SLC35F3: variants seen among roughly 807,000 people sequenced by gnomAD.
The protein encoded by SLC35F3 is putative thiamine transporter SLC35F3.
In SLC35F3, 25 loss-of-function variants were observed where a neutral mutation model predicts 49.9. The ratio of observed to expected loss-of-function variants is 0.50; its 90% CI spans 0.37 to 0.70. SLC35F3 has a LOEUF of 0.70. SLC35F3 is among the 30% of genes least tolerant of loss of function. The pLI, the probability that SLC35F3 is intolerant of heterozygous loss-of-function variation, is 0.00. For missense variants in SLC35F3, 525 were observed against 639.8 expected (o/e 0.82, Z 1.94); for synonymous variants, 275 against 265.4 (o/e 1.04, Z -0.35).
intron 2 of SLC35F3, among the ~76,000 whole-genome samples, chr1:233,941,962 G>GTTTTTTTT (rs547024039): frequency 5.6e-4 from 66 of 118,792 alleles, no homozygotes; most frequent in Non-Finnish European, 7.3e-4. Flanking sequence ...TTGTTTTTTT[G>GTTTTTTTT]TTTTTTTTTT....
At chr1:234,172,161 T>A (rs1436781731) in intron 2 of SLC35F3, among the ~76,000 whole-genome samples, 1 of 152,200 alleles carries the variant, frequency 6.6e-6, no homozygotes, top group Non-Finnish European at 1.5e-5. Flanking sequence ...TTCTAGCTAG[T>A]CCCTAAGCTG....
chr1:233,980,118 CCACA>C (rs1427579640), intron 2 of SLC35F3, among the ~76,000 whole-genome samples: 1 of 152,192 alleles, frequency 6.6e-6, no homozygotes, highest in African/African-American at 2.4e-5. Context: ...TTAATCTTTA[CCACA>C]CACACAGCCT....
At chr1:234,117,968 A>G (rs1240717108) in intron 2 of SLC35F3, among the ~76,000 whole-genome samples, 2 of 133,940 alleles carry the variant, frequency 1.5e-5, no homozygotes, top group Non-Finnish European at 3.2e-5. Context: ...GTGTGTGTAT[A>G]TATATATAAA....
At chr1:234,139,446 C>G (rs1665857274) in intron 2 of SLC35F3, among the ~76,000 whole-genome samples, 1 of 152,100 alleles carries the variant, frequency 6.6e-6, no homozygotes, top group East Asian at 1.9e-4. Flanking sequence ...TTTAAAAATC[C>G]TCTAAGTAAA....
intron 2 of SLC35F3, among the ~76,000 whole-genome samples, chr1:234,217,486 G>A (rs1327280578): frequency 1.3e-5 from 2 of 152,232 alleles, no homozygotes; most frequent in Non-Finnish European, 2.9e-5. Flanking sequence ...GAACTGAAAA[G>A]CAAGGTGTCA....
At chr1:234,112,435 T>C (rs1161557709) in intron 2 of SLC35F3, among the ~76,000 whole-genome samples, 1 of 152,162 alleles carries the variant, frequency 6.6e-6, no homozygotes, top group Non-Finnish European at 1.5e-5. Context: ...TTTTCTCTCA[T>C]GTGACTCATA....
chr1:234,275,766 ATATAT>A (rs1558094966), intron 3 of SLC35F3, among the ~76,000 whole-genome samples: 5 of 99,486 alleles, frequency 5.0e-5, no homozygotes, highest in African/African-American at 1.2e-4. Context: ...AAAAAAAAAT[ATATAT>A]ATATATATAT....
At chr1:234,204,587 G>C (rs924120332) in intron 2 of SLC35F3, among the ~76,000 whole-genome samples, 2 of 152,212 alleles carry the variant, frequency 1.3e-5, no homozygotes, top group African/African-American at 4.8e-5. Context: ...TTAGAAGGTA[G>C]TTTAGGAAGC....
chr1:234,202,372 A>C (rs983937531), intron 2 of SLC35F3, among the ~76,000 whole-genome samples: 5 of 152,226 alleles, frequency 3.3e-5, no homozygotes, highest in Non-Finnish European at 7.3e-5. Flanking sequence ...ACAAGGGGGA[A>C]GTCTTGAATT....
intron 3 of SLC35F3, among the ~76,000 whole-genome samples, chr1:234,306,109 A>G (rs1657167544): frequency 6.6e-6 from 1 of 152,124 alleles, no homozygotes; most frequent in South Asian, 2.1e-4. Context: ...TTCCCTTGCA[A>G]TCAAGGACGT....
intron 2 of SLC35F3, among the ~76,000 whole-genome samples, chr1:234,026,522 A>C (rs1663981052): frequency 6.6e-6 from 1 of 152,248 alleles, no homozygotes; most frequent in Admixed American, 6.5e-5. Flanking sequence ...AAAACAATTT[A>C]GTTCTGAAGG....
At chr1:234,222,722 G>A (rs1667226698) in intron 2 of SLC35F3, among the ~76,000 whole-genome samples, 1 of 152,212 alleles carries the variant, frequency 6.6e-6, no homozygotes, top group South Asian at 2.1e-4. Context: ...TAAAACTGTG[G>A]TTCATCCTTT....
At chr1:234,195,354 A>C (rs1381452717) in intron 2 of SLC35F3, among the ~76,000 whole-genome samples, 1 of 151,962 alleles carries the variant, frequency 6.6e-6, no homozygotes, top group Non-Finnish European at 1.5e-5. Context: ...CCACAGTCCA[A>C]TTTCTTGATT....
chr1:234,148,218 G>T (rs1321297384), intron 2 of SLC35F3, among the ~76,000 whole-genome samples: 1 of 152,170 alleles, frequency 6.6e-6, no homozygotes, highest in Non-Finnish European at 1.5e-5. Flanking sequence ...GCAAGAGCAG[G>T]GAGAGCTTTC....
intron 3 of SLC35F3, among the ~76,000 whole-genome samples, chr1:234,290,983 T>C (rs1428904611): frequency 1.3e-5 from 2 of 152,130 alleles, no homozygotes; most frequent in Non-Finnish European, 2.9e-5. Flanking sequence ...AGGCCACCAA[T>C]AGATATGACC....
In SLC35F3 at chr1:234,272,852, TCCCAGCCAGTGTGGACAGCAGGCTCGCTG is replaced by T. The variant is rs553145253; in HGVS notation, c.609-36245_609-36217del. Among the ~76,000 whole-genome samples, 807 of 152,278 alleles carry T rather than the reference TCCCAGCCAGTGTGGACAGCAGGCTCGCTG, an allele frequency of 5.3e-3. 7 individuals carry two copies. Among genetic ancestry groups the T allele is most frequent in the Middle Eastern group, 0.041 (12 of 294 alleles). On this transcript the variant is annotated intron_variant, in intron 3 of 7. Transcript: ENST00000366618. The stretch of plus-strand genomic sequence containing the variant: ...TGTTCTCTTGCCTGGCTGCTGCTTC[TCCCAGCCAGTGTGGACAGCAGGCTCGCTG>T]CCCCTGATGTGCCATGGGGTCAGCA...
rs1454724562 is a variant in SLC35F3 at position 234,118,016 on chromosome 1, A to T, written c.284-113401A>T. ...TGTGAGATACACAGAAAGAGCTCAT[A>T]ACCTTTAAGGCCAGAGTTAATTTCA... On this transcript the variant is annotated intron_variant, in intron 2 of 7. Coordinates refer to ENST00000366618, the MANE Select transcript of SLC35F3 (RefSeq NM_173508.4). 8.6e-5 allele frequency among the ~76,000 whole-genome samples: 13 copies of T among 151,102 alleles called. No individual in the cohort carries two copies. The Admixed American group carries it at 8.7e-4, about 10-fold the overall frequency.
At chr1:233,946,999 C>A (rs1662522823) in intron 2 of SLC35F3, among the ~76,000 whole-genome samples, 1 of 152,098 alleles carries the variant, frequency 6.6e-6, no homozygotes, top group Admixed American at 6.5e-5. Context: ...GATAGATAAG[C>A]AAGTAAAATA....
At chr1:234,233,228 G>A (rs1320328161) in intron 3 of SLC35F3, among the ~76,000 whole-genome samples, 1 of 152,184 alleles carries the variant, frequency 6.6e-6, no homozygotes, top group Non-Finnish European at 1.5e-5. Flanking sequence ...TTTAGTAAAT[G>A]ATGTATTTAA....
Sources: gnomAD v4.1 joint callset for allele counts (sites outside exome capture counted in the v4.1 genomes callset) on GRCh38, gnomAD v4.1.1 for gene constraint, MANE v1.5 for transcripts, NCBI Gene and HGNC (gene_info 2026-07-23, HGNC 2026-07-21) for gene names.